PPARGC1A: variants seen among roughly 807,000 people sequenced by gnomAD.
PPARGC1A encodes peroxisome proliferator-activated receptor gamma coactivator 1-alpha.
PPARGC1A carries 25 observed loss-of-function variants against 88.7 expected under a neutral mutation model. The observed-to-expected ratio is 0.28, with a 90% CI of 0.21 to 0.39. PPARGC1A has a LOEUF of 0.39. PPARGC1A is among the 10% of genes least tolerant of loss of function. The probability of loss-of-function intolerance (pLI) is 1.00; values close to 1 mark genes in which losing one functional copy is unlikely to be tolerated. For missense variants in PPARGC1A, 880 were observed against 968.7 expected, an observed-to-expected ratio of 0.91 and a Z score of 1.22; for synonymous variants, 363 against 355.6, an observed-to-expected ratio of 1.02 and a Z score of -0.24.
At chr4:24,461,042 G>T in the PPARGC1A span, among the ~76,000 whole-genome samples, 1 of 152,214 alleles carries the variant, frequency 6.6e-6, no homozygotes, top group Admixed American at 6.5e-5. Context: ...TCCCGCCTCA[G>T]CCTCCCTAGT....
At chr4:24,109,517 T>G in the PPARGC1A span, among the ~76,000 whole-genome samples, 56 of 152,204 alleles carry the variant, frequency 3.7e-4, 1 homozygote, top group Non-Finnish European at 6.0e-4. Context: ...AACAAATGAA[T>G]GTGTTACTTC....
chr4:24,203,990 A>T, the PPARGC1A span, among the ~76,000 whole-genome samples: 1 of 152,226 alleles, frequency 6.6e-6, no homozygotes, highest in Non-Finnish European at 1.5e-5. Context: ...TAGATATTGA[A>T]CTGAAACCAC....
intron 1 of PPARGC1A, among the ~76,000 whole-genome samples, chr4:23,898,719 T>A (rs1718902502): frequency 6.6e-6 from 1 of 152,174 alleles, no homozygotes; most frequent in South Asian, 2.1e-4. Flanking sequence ...CCAAAACCTC[T>A]ATTATTCTTT....
the PPARGC1A span, among the ~76,000 whole-genome samples, chr4:24,118,353 GA>G: frequency 1.3e-5 from 2 of 152,000 alleles, no homozygotes; most frequent in Non-Finnish European, 2.9e-5. Context: ...AAAATTAAAA[GA>G]AAAAAACCCA....
the PPARGC1A span, among the ~76,000 whole-genome samples, chr4:24,206,229 T>C: frequency 1.3e-5 from 2 of 152,188 alleles, no homozygotes; most frequent in East Asian, 3.9e-4. Flanking sequence ...GAAGGAAGTG[T>C]AGGCAAATGA....
At chr4:24,124,556 A>G in the PPARGC1A span, among the ~76,000 whole-genome samples, 1 of 152,192 alleles carries the variant, frequency 6.6e-6, no homozygotes, top group Non-Finnish European at 1.5e-5. Flanking sequence ...ACCCTAAGCT[A>G]TGCGTCTTTG....
the PPARGC1A span, among the ~76,000 whole-genome samples, chr4:24,397,567 G>A: frequency 2.0e-5 from 3 of 152,136 alleles, no homozygotes; most frequent in Non-Finnish European, 4.4e-5. Flanking sequence ...CTTAAAAAGA[G>A]ACATACTTTC....
At chr4:23,890,160 T>A (rs1717611128), upstream of PPARGC1A, 6 of 1,153,454 alleles carry the variant, frequency 5.2e-6, no homozygotes, top group South Asian at 1.9e-4. Flanking sequence ...TGCAGCTTGC[T>A]GCTCTAACTC....
At chr4:24,116,433 G>A in the PPARGC1A span, among the ~76,000 whole-genome samples, 2 of 152,090 alleles carry the variant, frequency 1.3e-5, no homozygotes, top group African/African-American at 4.8e-5. Flanking sequence ...TATGTGTTTG[G>A]GATCACAGAT....
At chr4:24,388,700 T>A in the PPARGC1A span, among the ~76,000 whole-genome samples, 2 of 152,090 alleles carry the variant, frequency 1.3e-5, no homozygotes, top group African/African-American at 4.8e-5. Context: ...GCCATCATTC[T>A]CGGCAAAGTA....
intron 2 of PPARGC1A, among the ~76,000 whole-genome samples, chr4:23,876,655 C>G (rs1714747006): frequency 6.6e-6 from 1 of 152,018 alleles, no homozygotes; most frequent in Admixed American, 6.6e-5. Flanking sequence ...ATTGCTCCTC[C>G]TTGAACTGAC....
the PPARGC1A span, among the ~76,000 whole-genome samples, chr4:24,056,190 A>C: frequency 2.6e-5 from 4 of 152,184 alleles, no homozygotes; most frequent in African/African-American, 9.7e-5. Context: ...TGAAATGCGT[A>C]AGTTTATGTT....
the PPARGC1A span, among the ~76,000 whole-genome samples, chr4:24,364,286 C>T: frequency 5.9e-5 from 9 of 152,210 alleles, no homozygotes; most frequent in African/African-American, 1.9e-4. Context: ...GCAATTATGC[C>T]GACCCTTTTC....
At chr4:24,330,217 T>A in the PPARGC1A span, among the ~76,000 whole-genome samples, 1 of 152,198 alleles carries the variant, frequency 6.6e-6, no homozygotes, top group African/African-American at 2.4e-5. Flanking sequence ...TCCCCTTGAA[T>A]CTGAGCTATC....
chr4:24,006,624 C>T, the PPARGC1A span, among the ~76,000 whole-genome samples: 16 of 152,162 alleles, frequency 1.1e-4, no homozygotes, highest in African/African-American at 3.9e-4. Flanking sequence ...CAGTTTGTAA[C>T]TTGCTGGTCC....
At chr4:24,137,286 A>C in the PPARGC1A span, among the ~76,000 whole-genome samples, 3 of 151,920 alleles carry the variant, frequency 2.0e-5, no homozygotes, top group Non-Finnish European at 4.4e-5. Flanking sequence ...GAAGGACCTC[A>C]GAGGAAAACA....
the PPARGC1A span, among the ~76,000 whole-genome samples, chr4:24,234,504 T>C: frequency 6.6e-6 from 1 of 152,168 alleles, no homozygotes. Flanking sequence ...TAGAGAACCA[T>C]GATATCAAAT....
chr4:24,470,084 C>T, the PPARGC1A span, among the ~76,000 whole-genome samples: 2 of 152,128 alleles, frequency 1.3e-5, no homozygotes, highest in Non-Finnish European at 2.9e-5. The surrounding 1 kb of genome is among the most constrained non-coding windows in gnomAD (Gnocchi z 5.8). Flanking sequence ...TTCACGGCCC[C>T]GGGGTGCAGG....
the PPARGC1A span, among the ~76,000 whole-genome samples, chr4:24,169,141 C>T: frequency 6.6e-6 from 1 of 152,052 alleles, no homozygotes; most frequent in Admixed American, 6.6e-5. Flanking sequence ...TGGGCTTCCT[C>T]CTAAACACCC....
Sources: allele counts gnomAD v4.1 joint callset (sites outside exome capture counted in the v4.1 genomes callset), GRCh38; gene constraint gnomAD v4.1.1; non-coding constraint Gnocchi (gnomAD v3.1); transcripts MANE v1.5; gene names NCBI Gene and HGNC (gene_info 2026-07-23, HGNC 2026-07-21).